Variants in CCDC171 observed in about 807,000 individuals in gnomAD.
CCDC171 encodes the protein coiled-coil domain containing 171, also known as coiled-coil domain-containing protein 171.
CCDC171 carries 177 observed loss-of-function variants against 168.2 expected under a neutral mutation model. That is an observed-to-expected ratio of 1.05 (90% CI 0.93 to 1.19). CCDC171 has a LOEUF of 1.19. Among genes scored for constraint, CCDC171 ranks in the 50% most tolerant of loss-of-function variants. The pLI is 0.00. For synonymous variants in CCDC171, 687 were observed against 540.8 expected (o/e 1.27, Z -3.75); for missense variants, 1,991 against 1,539.0 (o/e 1.29, Z -4.91).
chr9:16,087,120 T>C, the CCDC171 span, among the ~76,000 whole-genome samples: 828 of 152,338 alleles, frequency 5.4e-3, 9 homozygotes, highest in African/African-American at 0.019. Context: ...TCCATTCTTT[T>C]GCATTTGCTG....
chr9:15,706,968 C>A (rs74746343), intron 11 of CCDC171, among the ~76,000 whole-genome samples: 1 of 152,186 alleles, frequency 6.6e-6, no homozygotes, highest in Admixed American at 6.5e-5. Flanking sequence ...TTTCCTCCCC[C>A]CTTTCCTGCT....
At chr9:15,785,880 A>T (rs1027170387) in intron 21 of CCDC171, among the ~76,000 whole-genome samples, 1 of 151,818 alleles carries the variant, frequency 6.6e-6, no homozygotes, top group Non-Finnish European at 1.5e-5. Flanking sequence ...TACTATTATT[A>T]TGATTTTGAT....
At chr9:15,879,818 T>G (rs1296051534) in intron 24 of CCDC171, among the ~76,000 whole-genome samples, 1 of 152,100 alleles carries the variant, frequency 6.6e-6, no homozygotes, top group Non-Finnish European at 1.5e-5. Flanking sequence ...TTCTCTTTTT[T>G]CCCCTGGAAT....
intron 25 of CCDC171, among the ~76,000 whole-genome samples, chr9:15,927,455 C>G (rs1405048484): frequency 1.3e-5 from 2 of 151,648 alleles, no homozygotes; most frequent in Non-Finnish European, 3.0e-5. Context: ...GAATGCCAAA[C>G]CCAAATACTT....
intron 3 of CCDC171, among the ~76,000 whole-genome samples, chr9:16,001,684 A>G (rs1314835303): frequency 6.6e-6 from 1 of 152,134 alleles, no homozygotes; most frequent in Admixed American, 6.6e-5. Context: ...TAGCTGTAAT[A>G]ACACAGTAGT....
In CCDC171 at chr9:15,846,814, A is replaced by G. The variant is rs1193543684; in HGVS notation, c.3380A>G (p.His1127Arg). The change falls in exon 22 of 26, where the codon CAT becomes CGT. Residue 1127 changes from histidine to arginine, a missense_variant. Coordinates refer to ENST00000380701, the MANE Select transcript of CCDC171 (RefSeq NM_173550.4). The part of the protein sequence containing the change: ...QDKRRLEENI[H>R]DAESALRMAA... ...AAGCGTCGACTGGAGGAGAACATCC[A>G]TGATGCAGAGAGTGCCCTCCGCATG... The G allele has an allele frequency of 2.5e-6, 4 of 1,610,298 alleles. No individual in the cohort carries two copies. The highest frequency in any genetic ancestry group is 1.7e-5 in the Admixed American group (1 of 59,482).
intron 21 of CCDC171, among the ~76,000 whole-genome samples, chr9:15,842,651 C>T (rs1028639889): frequency 6.6e-6 from 1 of 151,690 alleles, no homozygotes; most frequent in Non-Finnish European, 1.5e-5. Context: ...TCTGTGAATA[C>T]GTACTGAATT....
At chr9:15,592,101 A>T (rs2042046054) in intron 5 of CCDC171, among the ~76,000 whole-genome samples, 1 of 152,012 alleles carries the variant, frequency 6.6e-6, no homozygotes, top group African/African-American at 2.4e-5. Context: ...GTGACTTAAA[A>T]GGTAGATTTT....
chr9:15,934,711 C>CT (rs1589168482), intron 25 of CCDC171, among the ~76,000 whole-genome samples: 1 of 152,042 alleles, frequency 6.6e-6, no homozygotes, highest in East Asian at 1.9e-4. Flanking sequence ...ATACAAATGT[C>CT]TATAGCAGCA....
chr9:15,573,868 C>T (rs1325800010), intron 3 of CCDC171, among the ~76,000 whole-genome samples: 2 of 151,822 alleles, frequency 1.3e-5, no homozygotes, highest in Non-Finnish European at 2.9e-5. Flanking sequence ...CGAGACCAGC[C>T]TGGGCCTGTG....
chr9:15,576,206 C>G (rs1015172407), intron 3 of CCDC171, among the ~76,000 whole-genome samples: 1 of 150,356 alleles, frequency 6.7e-6, no homozygotes, highest in Non-Finnish European at 1.5e-5. Flanking sequence ...TTTTTAGAGA[C>G]AGGGTCTTGC....
At chr9:16,072,283 C>T in the CCDC171 span, among the ~76,000 whole-genome samples, 1 of 152,150 alleles carries the variant, frequency 6.6e-6, no homozygotes, top group African/African-American at 2.4e-5. Flanking sequence ...ATCAGTGTAA[C>T]CTTCTCAATT....
At chr9:15,626,681 A>G (rs1377900579) in intron 7 of CCDC171, among the ~76,000 whole-genome samples, 3 of 152,300 alleles carry the variant, frequency 2.0e-5, no homozygotes, top group Admixed American at 6.5e-5. Flanking sequence ...ATCATGGTGG[A>G]TAAGCTATTT....
At chr9:15,773,071 T>G (rs762640504) in intron 18 of CCDC171, among the ~76,000 whole-genome samples, 12 of 152,138 alleles carry the variant, frequency 7.9e-5, no homozygotes, top group Non-Finnish European at 1.2e-4. Flanking sequence ...TTTTAAACGT[T>G]ACTAATTATT....
intron 9 of CCDC171, among the ~76,000 whole-genome samples, chr9:15,674,278 C>G (rs2049350705): frequency 6.6e-6 from 1 of 151,954 alleles, no homozygotes; most frequent in South Asian, 2.1e-4. Flanking sequence ...TGCTAGCAGT[C>G]TTATCTATTT....
intron 21 of CCDC171, among the ~76,000 whole-genome samples, chr9:15,808,238 C>G (rs2059165332): frequency 6.6e-6 from 1 of 151,970 alleles, no homozygotes; most frequent in South Asian, 2.1e-4. Flanking sequence ...GAGAGCAAGT[C>G]AACAGTAGAA....
At chr9:15,644,310 C>T (rs1002795165) in intron 7 of CCDC171, among the ~76,000 whole-genome samples, 8 of 152,166 alleles carry the variant, frequency 5.3e-5, no homozygotes, top group Non-Finnish European at 7.3e-5. Flanking sequence ...CAGCACCCAG[C>T]GTGAGTGATG....
chr9:15,935,178 T>C (rs186921895), intron 25 of CCDC171, among the ~76,000 whole-genome samples: 8 of 152,212 alleles, frequency 5.3e-5, no homozygotes, highest in Admixed American at 5.2e-4. Flanking sequence ...GTATTTTATC[T>C]CATTAAAAAT....
At chr9:15,880,147 T>C (rs1818424537) in intron 24 of CCDC171, among the ~76,000 whole-genome samples, 2 of 152,188 alleles carry the variant, frequency 1.3e-5, no homozygotes, top group South Asian at 4.1e-4. Context: ...TTGTGGCAGC[T>C]GCTTGTCTCA....
Sources: allele counts gnomAD v4.1 joint callset (sites outside exome capture counted in the v4.1 genomes callset), GRCh38; gene constraint gnomAD v4.1.1; transcripts MANE v1.5; gene names NCBI Gene and HGNC (gene_info 2026-07-23, HGNC 2026-07-21).